PTPRM: variants seen among roughly 807,000 people sequenced by gnomAD.
The protein encoded by PTPRM is receptor-type tyrosine-protein phosphatase mu.
Under a neutral mutation model 186.7 loss-of-function variants are expected in PTPRM, and 47 were observed. The ratio of observed to expected loss-of-function variants is 0.25; its 90% CI spans 0.20 to 0.32. The LOEUF (loss-of-function observed/expected upper bound fraction) is 0.32, where lower values mean the gene tolerates loss of function less well. PTPRM is among the 10% of genes least tolerant of loss of function. The probability of loss-of-function intolerance (pLI) is 1.00; values close to 1 mark genes in which losing one functional copy is unlikely to be tolerated. For synonymous variants in PTPRM, 668 were observed against 674.9 expected (o/e 0.99, Z 0.16); for missense variants, 1,494 against 1,865.0 (o/e 0.80, Z 3.66).
chr18:8,309,056 C>G (rs943612549), intron 20 of PTPRM, among the ~76,000 whole-genome samples: 1 of 152,178 alleles, frequency 6.6e-6, no homozygotes, highest in African/African-American at 2.4e-5. Context: ...AAATAGCATT[C>G]CACTTTATTA....
chr18:8,240,124 C>T (rs950672550), intron 14 of PTPRM, among the ~76,000 whole-genome samples: 2 of 152,042 alleles, frequency 1.3e-5, no homozygotes, highest in African/African-American at 2.4e-5. Context: ...AAACGGGAGG[C>T]TCAAAAGAGG....
intron 13 of PTPRM, among the ~76,000 whole-genome samples, chr18:8,125,978 T>TAC (rs1253356045): frequency 0.053 from 93 of 1,766 alleles, 2 homozygotes; most frequent in Admixed American, 0.28. Flanking sequence ...TGTGTATACA[T>TAC]ATATATATAT....
intron 23 of PTPRM, among the ~76,000 whole-genome samples, chr18:8,352,097 C>T (rs1014491744): frequency 6.6e-6 from 1 of 152,154 alleles, no homozygotes; most frequent in Non-Finnish European, 1.5e-5. Context: ...CACTAATAAT[C>T]CAAAGATAGT....
rs1224150127 is a variant in PTPRM, at chr18:8,172,211, G to A, written c.2300+28432G>A. On this transcript the variant is annotated intron_variant, in intron 14 of 32. Transcript: ENST00000580170. ...CACAATTATGGCGGAAGGTGAGAAA[G>A]GTGGCAAAGATACAGATAAAGCACT... Among the ~76,000 whole-genome samples the A allele has an allele frequency of 9.2e-5, 14 of 151,684 alleles. No homozygotes were observed. The East Asian group carries it at 2.7e-3, about 29-fold the overall frequency.
intron 18 of PTPRM, 90 bp from the exon 19 acceptor site, chr18:8,253,137 G>T: frequency 9.0e-7 from 1 of 1,114,268 alleles, no homozygotes; most frequent in African/African-American, 1.6e-5. Context: ...TAGGTGAGGG[G>T]ATGCCAGGAG....
At chr18:8,244,275 A>T in intron 15 of PTPRM, 66 bp downstream of exon 15, 21 of 1,157,494 alleles carry the variant, frequency 1.8e-5, no homozygotes, top group Non-Finnish European at 2.3e-5. Flanking sequence ...AGGTGGTACT[A>T]GGGGATTTCA....
At chr18:8,030,093 C>T (rs1238994593) in intron 7 of PTPRM, among the ~76,000 whole-genome samples, 1 of 152,202 alleles carries the variant, frequency 6.6e-6, no homozygotes, top group Non-Finnish European at 1.5e-5. Context: ...CGATGCCAAT[C>T]TGTGTTATGT....
intron 5 of PTPRM, among the ~76,000 whole-genome samples, chr18:7,930,826 A>G (rs981158367): frequency 1.3e-5 from 2 of 152,170 alleles, no homozygotes; most frequent in African/African-American, 4.8e-5. Flanking sequence ...GTCTTTCACA[A>G]TAACGTAACG....
At chr18:8,302,328 C>T (rs1037745596) in intron 20 of PTPRM, among the ~76,000 whole-genome samples, 1 of 151,946 alleles carries the variant, frequency 6.6e-6, no homozygotes, top group African/African-American at 2.4e-5. Context: ...TGCCGGGGAG[C>T]CCCTTGGGTC....
intron 23 of PTPRM, among the ~76,000 whole-genome samples, chr18:8,345,952 A>C (rs1305130205): frequency 3.9e-5 from 6 of 152,242 alleles, no homozygotes; most frequent in Non-Finnish European, 7.3e-5. Flanking sequence ...TCTGTATTAC[A>C]AAGGGTATAA....
At chr18:8,030,522 T>C (rs1300016128) in intron 7 of PTPRM, among the ~76,000 whole-genome samples, 1 of 152,232 alleles carries the variant, frequency 6.6e-6, no homozygotes, top group Non-Finnish European at 1.5e-5. Context: ...CGTGTTCCGA[T>C]AGTAATAGCC....
intron 19 of PTPRM, among the ~76,000 whole-genome samples, chr18:8,275,610 C>A (rs2094825087): frequency 6.6e-6 from 1 of 152,168 alleles, no homozygotes; most frequent in South Asian, 2.1e-4. Flanking sequence ...ACATAGGGCA[C>A]ACGCTGCTAT....
In PTPRM at chr18:8,394,489, C is replaced by T. The variant is rs753091710; in HGVS notation, c.4222C>T (p.Arg1408Cys). 5.0e-6 allele frequency: 8 copies of T among 1,611,304 alleles called. No individual in the cohort carries two copies. The highest frequency in any genetic ancestry group is 2.2e-5 in the East Asian group (1 of 44,700). Residue 1408 changes from arginine to cysteine, a missense_variant, in exon 32 of 33, where the codon CGC (arginine) becomes TGC (cysteine). Arg to Cys is a radical substitution (Grantham distance 180). Transcript: ENST00000580170. ...TVVHCLNGGG[R>C]SGTFCAISIV... ...TTTTCACGACAGGAACGGGGGAGGC[C>T]GCAGTGGGACGTTCTGCGCCATCAG...
chr18:8,126,445 C>T (rs1203703898), intron 13 of PTPRM, among the ~76,000 whole-genome samples: 1 of 152,046 alleles, frequency 6.6e-6, no homozygotes, highest in African/African-American at 2.4e-5. Flanking sequence ...AGCATAATTT[C>T]GATCACCCAT....
chr18:7,614,846 G>A (rs2037762988), intron 1 of PTPRM, among the ~76,000 whole-genome samples: 1 of 150,180 alleles, frequency 6.7e-6, no homozygotes, highest in Non-Finnish European at 1.5e-5. Context: ...TTGACTCCAG[G>A]GAACCTATGA....
At chr18:8,039,210 A>G (rs1436106721) in intron 7 of PTPRM, among the ~76,000 whole-genome samples, 2 of 152,142 alleles carry the variant, frequency 1.3e-5, no homozygotes, top group East Asian at 3.8e-4. Context: ...ATGCATATAA[A>G]CCATGCATAA....
intron 1 of PTPRM, among the ~76,000 whole-genome samples, chr18:7,632,286 T>C (rs556431072): frequency 7.9e-4 from 120 of 152,348 alleles, no homozygotes; most frequent in Middle Eastern, 3.4e-3. Flanking sequence ...CTAGACATTT[T>C]ATATGTAAAG....
intron 14 of PTPRM, among the ~76,000 whole-genome samples, chr18:8,178,050 C>A (rs1468044876): frequency 6.6e-6 from 1 of 152,196 alleles, no homozygotes; most frequent in African/African-American, 2.4e-5. Flanking sequence ...AGTGTGCATG[C>A]TTGAGCCCAC....
rs10502363 is a variant in PTPRM at position 7,825,736 on chromosome 18, T to C, written c.196+51465T>C. Among the ~76,000 whole-genome samples, 730 of 152,272 alleles carry C rather than the reference T, an allele frequency of 4.8e-3. 30 individuals carry two copies. The East Asian group carries it at 0.096, about 20-fold the overall frequency. ...GCCCCTCAGACCAAGCGTTTGCCTC[T>C]GTTTTTACCTTGGCATTTATTCATT... On this transcript the variant is annotated intron_variant, in intron 2 of 32. Transcript: ENST00000580170.
Sources: gnomAD v4.1 joint callset for allele counts (sites outside exome capture counted in the v4.1 genomes callset) on GRCh38, gnomAD v4.1.1 for gene constraint, MANE v1.5 for transcripts, NCBI Gene and HGNC (gene_info 2026-07-23, HGNC 2026-07-21) for gene names.